The following GPR149 variants were observed in gnomAD, a reference collection of about 807,000 sequenced individuals.
GPR149 encodes probable G protein-coupled receptor 149.
In GPR149, 50 loss-of-function variants were observed where a neutral mutation model predicts 50.2. That is an observed-to-expected ratio of 1.00 (90% CI 0.79 to 1.26). The LOEUF is 1.26. Among genes scored for constraint, GPR149 ranks in the 50% most tolerant of loss-of-function variants. The pLI, the probability that GPR149 is intolerant of heterozygous loss-of-function variation, is 0.00. For synonymous variants in GPR149, 405 were observed against 358.2 expected (o/e 1.13, Z -1.48); for missense variants, 983 against 895.4 (o/e 1.10, Z -1.25).
intron 3 of GPR149, among the ~76,000 whole-genome samples, chr3:154,351,728 T>A (rs946503255): frequency 2.2e-4 from 33 of 152,158 alleles, no homozygotes; most frequent in African/African-American, 8.0e-4. Context: ...ATTACAGGGA[T>A]AAATAATTTA....
intron 3 of GPR149, among the ~76,000 whole-genome samples, chr3:154,355,841 C>T (rs1020667090): frequency 6.6e-6 from 1 of 152,152 alleles, no homozygotes; most frequent in Non-Finnish European, 1.5e-5. Context: ...GATATATTTT[C>T]ATTCGTAAGA....
chr3:154,407,207 T>C (rs1711718464), intron 3 of GPR149, among the ~76,000 whole-genome samples: 2 of 152,164 alleles, frequency 1.3e-5, no homozygotes, highest in South Asian at 4.1e-4. Flanking sequence ...ATGTTTTATA[T>C]AGTTCTGATG....
intron 3 of GPR149, chr3:154,353,532 C>G: frequency 2.2e-6 from 2 of 922,006 alleles, no homozygotes; most frequent in Non-Finnish European, 3.6e-6. Context: ...TTTGATATGA[C>G]CAGGGGTTCC....
chr3:154,388,484 T>G (rs915844526), intron 3 of GPR149, among the ~76,000 whole-genome samples: 1 of 152,176 alleles, frequency 6.6e-6, no homozygotes, highest in East Asian at 1.9e-4. Context: ...TCTTAGCTAC[T>G]ATTTCTGTAT....
At chr3:154,382,952 G>GTGGGGCAGGAT (rs1714964231) in intron 3 of GPR149, among the ~76,000 whole-genome samples, 1 of 152,146 alleles carries the variant, frequency 6.6e-6, no homozygotes, top group East Asian at 1.9e-4. Flanking sequence ...ACTGAAATTA[G>GTGGGGCAGGAT]TGGGGCAGGA....
At chr3:154,352,157 GC>G in intron 3 of GPR149, 1 of 760,410 alleles carries the variant, frequency 1.3e-6, no homozygotes, top group Non-Finnish European at 2.1e-6. Flanking sequence ...TCCATTTGTG[GC>G]CCCCACTTCT....
chr3:154,353,533 CA>C (rs1714138637), intron 3 of GPR149: 2 of 924,512 alleles, frequency 2.2e-6, no homozygotes, highest in Middle Eastern at 4.3e-4. Context: ...TTGATATGAC[CA>C]GGGGTTCCAA....
chr3:154,365,883 GC>G lies in GPR149; in HGVS notation c.1624-27613del, dbSNP rs369737641. Among the ~76,000 whole-genome samples, 709 of 152,226 alleles carry G rather than the reference GC, an allele frequency of 4.7e-3. 4 individuals are homozygous for G. The highest frequency in any genetic ancestry group is 0.016 in the African/African-American group (663 of 41,528). On this transcript the variant is annotated intron_variant, in intron 3 of 3. Transcript: ENST00000389740. Reference sequence around the variant, plus strand: ...CACTTAGATAATATCTAACACTGAAGCTTTTATACTGCTTTTCTCTTCTGAG... The same window carrying G: ...CACTTAGATAATATCTAACACTGAAGTTTTATACTGCTTTTCTCTTCTGAG...
At chr3:154,357,495 A>G (rs1211934724) in intron 3 of GPR149, among the ~76,000 whole-genome samples, 1 of 152,134 alleles carries the variant, frequency 6.6e-6, no homozygotes, top group Non-Finnish European at 1.5e-5. Context: ...AGAAAAAAAC[A>G]ACCAACCCCA....
intron 3 of GPR149, among the ~76,000 whole-genome samples, chr3:154,407,478 A>G (rs1711725030): frequency 6.6e-6 from 1 of 152,044 alleles, no homozygotes; most frequent in Admixed American, 6.6e-5. Flanking sequence ...AAGTAAACGT[A>G]TTTGTGGATA....
intron 3 of GPR149, among the ~76,000 whole-genome samples, chr3:154,370,146 A>G (rs754596365): frequency 1.3e-5 from 2 of 152,224 alleles, no homozygotes; most frequent in Admixed American, 6.5e-5. Context: ...AGGCCCTAAG[A>G]AAGCACACCT....
chr3:154,407,589 A>C (rs761876826), intron 3 of GPR149, among the ~76,000 whole-genome samples: 26 of 151,700 alleles, frequency 1.7e-4, no homozygotes, highest in Non-Finnish European at 3.7e-4. Context: ...TATCAGTATA[A>C]ACTTGTTTTA....
chr3:154,377,037 C>A lies in GPR149; in HGVS notation c.1624-38766G>T, dbSNP rs543315444. On this transcript the variant is annotated intron_variant, in intron 3 of 3. Transcript: ENST00000389740. ...TAGCTATTAGTGTTAGCACTGGTAGCCCTGAATTAAAAAAAAAAAAAAAAG... is the reference window on the plus strand; with the variant it reads ...TAGCTATTAGTGTTAGCACTGGTAGACCTGAATTAAAAAAAAAAAAAAAAG... Among the ~76,000 whole-genome samples the A allele has an allele frequency of 2.2e-3, 308 of 137,070 alleles. 1 individual carries two copies. The highest frequency in any genetic ancestry group is 7.7e-3 in the African/African-American group (283 of 36,528). The allele number at this position is 137,070 out of a possible 152,430, so 89.9% of individuals were successfully genotyped here.
chr3:154,421,530 A>G (rs1712147812), intron 2 of GPR149, 43 bp from the exon 3 acceptor site: 1 of 1,053,882 alleles, frequency 9.5e-7, no homozygotes, highest in Non-Finnish European at 1.4e-6. Context: ...AGTAAGGTAG[A>G]TAAAGACAAC....
In GPR149 at chr3:154,427,416, G is replaced by T. The variant is rs956757466; in HGVS notation, c.1174+100C>A. The T allele has an allele frequency of 2.3e-5, 20 of 884,366 alleles. No individual in the cohort carries two copies. In the South Asian group the frequency reaches 3.4e-4, roughly 15 times the overall value. The allele number at this position is 884,366 out of a possible 1,614,324, so 54.8% of individuals were successfully genotyped here. ...TATTTACCACTGACATTTATCCTTG[G>T]ACTCTCCATCCCCTACTGAGGCAAC... On this transcript the variant is annotated intron_variant, in intron 2 of 3. Transcript: ENST00000389740.
intron 3 of GPR149, among the ~76,000 whole-genome samples, chr3:154,348,757 C>T (rs1040067575): frequency 2.2e-4 from 33 of 152,196 alleles, no homozygotes; most frequent in African/African-American, 7.2e-4. Flanking sequence ...ATCTAATCAA[C>T]ATTTGTAGAA....
At chr3:154,353,551 T>A in intron 3 of GPR149, 1 of 970,022 alleles carries the variant, frequency 1.0e-6, no homozygotes, top group Non-Finnish European at 1.7e-6. Context: ...CCAACCAAGA[T>A]GTCAATACCA....
At chr3:154,370,256 T>G (rs1714633202) in intron 3 of GPR149, among the ~76,000 whole-genome samples, 1 of 151,906 alleles carries the variant, frequency 6.6e-6, no homozygotes, top group African/African-American at 2.4e-5. Flanking sequence ...AGAACAAAAT[T>G]TGGAGACATT....
intron 3 of GPR149, chr3:154,352,141 C>G: frequency 2.8e-6 from 2 of 725,302 alleles, no homozygotes; most frequent in East Asian, 5.5e-5. Context: ...AATATTCAGT[C>G]AAAACTCCAT....
Sources: allele counts gnomAD v4.1 joint callset (sites outside exome capture counted in the v4.1 genomes callset), GRCh38; gene constraint gnomAD v4.1.1; transcripts MANE v1.5; gene names NCBI Gene and HGNC (gene_info 2026-07-23, HGNC 2026-07-21).